Variants in KCNAB1 observed in about 807,000 individuals in gnomAD.
The protein encoded by KCNAB1 is potassium voltage-gated channel subfamily A regulatory beta subunit 1, also known as voltage-gated potassium channel subunit beta-1.
KCNAB1 carries 35 observed loss-of-function variants against 64.6 expected under a neutral mutation model. The ratio of observed to expected loss-of-function variants is 0.54; its 90% CI spans 0.41 to 0.72. The LOEUF is 0.72. Ranked by LOEUF, KCNAB1 falls within the 30% of genes least tolerant of loss-of-function variation. The pLI is 0.00. For synonymous variants in KCNAB1, 177 were observed against 183.8 expected, an observed-to-expected ratio of 0.96 and a Z score of 0.30; for missense variants, 401 against 512.9, an observed-to-expected ratio of 0.78 and a Z score of 2.11.
intron 1 of KCNAB1, among the ~76,000 whole-genome samples, chr3:156,336,381 A>G (rs2108055579): frequency 6.7e-6 from 1 of 149,838 alleles, no homozygotes; most frequent in South Asian, 2.2e-4. Flanking sequence ...CAAACAAACA[A>G]AAAAAGAGTA....
At chr3:156,284,805 A>G (rs1014577539) in intron 1 of KCNAB1, among the ~76,000 whole-genome samples, 1 of 152,194 alleles carries the variant, frequency 6.6e-6, no homozygotes, top group East Asian at 1.9e-4. Context: ...AAGTGAGGCA[A>G]TGCCTCACCC....
chr3:156,390,631 G>A (rs902131995), intron 1 of KCNAB1, among the ~76,000 whole-genome samples: 3 of 151,850 alleles, frequency 2.0e-5, no homozygotes, highest in Non-Finnish European at 2.9e-5. Context: ...TGCCCAGGCT[G>A]GAGTGCAGTG....
Position 156,537,645 on chromosome 3 carries a change from C to G in KCNAB1, c.*898C>G, listed in dbSNP as rs1719148420. The G allele has an allele frequency of 1.3e-5, 2 of 152,722 alleles. No homozygotes were observed. Among genetic ancestry groups the G allele is most frequent in the South Asian group, 2.1e-4 (1 of 4,830 alleles). The allele number at this position is 152,722 out of a possible 1,614,324, so 9.5% of individuals were successfully genotyped here. A position where few individuals can be genotyped will look rare whatever the true frequency, so the allele number is the denominator to read the frequency against. ...ATTTTTTACTACATTTTATTAAAAC[C>G]TGCTTTATACTTTCAACTGCTTGTA... On this transcript the variant is annotated 3_prime_UTR_variant, in exon 14 of 14. Transcript: ENST00000490337.
chr3:156,507,043 T>C (rs1716876275), intron 8 of KCNAB1, among the ~76,000 whole-genome samples: 1 of 152,186 alleles, frequency 6.6e-6, no homozygotes, highest in African/African-American at 2.4e-5. Flanking sequence ...AATGCTCTGT[T>C]AGTTTTCTCT....
At chr3:156,377,230 C>G (rs1346677651) in intron 1 of KCNAB1, among the ~76,000 whole-genome samples, 1 of 152,138 alleles carries the variant, frequency 6.6e-6, no homozygotes, top group Admixed American at 6.5e-5. Context: ...TCAAAACTAA[C>G]TCTTATTGGC....
intron 1 of KCNAB1, among the ~76,000 whole-genome samples, chr3:156,300,459 C>T (rs1721079385): frequency 6.6e-6 from 1 of 152,118 alleles, no homozygotes; most frequent in Non-Finnish European, 1.5e-5. Flanking sequence ...TCATTCAAAC[C>T]CTCTATACAA....
intron 8 of KCNAB1, among the ~76,000 whole-genome samples, chr3:156,488,377 G>C (rs934643289): frequency 6.6e-6 from 1 of 151,910 alleles, no homozygotes; most frequent in Non-Finnish European, 1.5e-5. Flanking sequence ...TGAGAAGGTA[G>C]GGTTTGAGCA....
intron 1 of KCNAB1, among the ~76,000 whole-genome samples, chr3:156,298,258 T>C (rs1483977170): frequency 6.6e-6 from 1 of 152,042 alleles, no homozygotes; most frequent in African/African-American, 2.4e-5. Flanking sequence ...GAAGTGTGTG[T>C]GGGGGCTGTG....
rs148821942 is a variant in KCNAB1 at position 156,133,757 on chromosome 3, G to A, written c.275+12871G>A. On this transcript the variant is annotated intron_variant, in intron 1 of 13. Coordinates refer to ENST00000490337, the MANE Select transcript of KCNAB1 (RefSeq NM_172160.3). ...GGGAGACAGGGAAGAGAAGCATCAG[G>A]AAAAAATACACTTAAGATGCACCAT... Among the ~76,000 whole-genome samples the A allele has an allele frequency of 9.2e-3, 1,401 of 152,278 alleles. 28 individuals are homozygous for A. The highest frequency in any genetic ancestry group is 0.031 in the African/African-American group (1,296 of 41,554).
chr3:156,143,232 G>A (rs761626276), intron 1 of KCNAB1: 1 of 1,613,698 alleles, frequency 6.2e-7, no homozygotes, highest in Admixed American at 1.7e-5. Context: ...AGCTGGGTCT[G>A]CCAAAATCCA....
chr3:156,443,151 G>A (rs1717128843), intron 2 of KCNAB1, among the ~76,000 whole-genome samples: 3 of 152,108 alleles, frequency 2.0e-5, no homozygotes. Context: ...CATCACTTAG[G>A]TATTAAGCAC....
intron 1 of KCNAB1, among the ~76,000 whole-genome samples, chr3:156,352,451 T>G (rs1330861061): frequency 6.6e-6 from 1 of 152,228 alleles, no homozygotes; most frequent in Non-Finnish European, 1.5e-5. Flanking sequence ...GGACAGAGCC[T>G]CAGTGAATAT....
intron 1 of KCNAB1, among the ~76,000 whole-genome samples, chr3:156,299,160 G>A (rs182228680): frequency 2.6e-5 from 4 of 152,312 alleles, no homozygotes; most frequent in Admixed American, 6.5e-5. Flanking sequence ...TGCTCCTTTC[G>A]CTTCCACATT....
intron 1 of KCNAB1, among the ~76,000 whole-genome samples, chr3:156,279,644 C>T (rs375785289): frequency 1.1e-4 from 17 of 151,530 alleles, no homozygotes; most frequent in African/African-American, 4.1e-4. Flanking sequence ...TCCTGACTTT[C>T]TAATGATTGC....
At chr3:156,275,662 G>T (rs193100876) in intron 1 of KCNAB1, among the ~76,000 whole-genome samples, 1 of 152,236 alleles carries the variant, frequency 6.6e-6, no homozygotes, top group African/African-American at 2.4e-5. Context: ...ATCTTTACCA[G>T]GAGTAGATTC....
At chr3:156,350,618 AAG>A (rs1236550540) in intron 1 of KCNAB1, among the ~76,000 whole-genome samples, 2 of 152,210 alleles carry the variant, frequency 1.3e-5, no homozygotes, top group African/African-American at 4.8e-5. Flanking sequence ...TTTACTTGAC[AAG>A]AGAGGTCAAG....
intron 2 of KCNAB1, among the ~76,000 whole-genome samples, chr3:156,440,781 G>A (rs908119297): frequency 1.3e-5 from 2 of 152,148 alleles, no homozygotes; most frequent in East Asian, 1.9e-4. Context: ...ATCATTAACA[G>A]TTGGTATCTA....
At chr3:156,517,637 T>C (rs1424812169) in intron 11 of KCNAB1, among the ~76,000 whole-genome samples, 1 of 150,596 alleles carries the variant, frequency 6.6e-6, no homozygotes, top group African/African-American at 2.5e-5. Context: ...GTACCTACTA[T>C]GTGCCAAGCA....
chr3:156,185,011 A>G (rs1713098032), intron 1 of KCNAB1, among the ~76,000 whole-genome samples: 1 of 152,212 alleles, frequency 6.6e-6, no homozygotes, highest in Non-Finnish European at 1.5e-5. Context: ...TCATAGAGGA[A>G]ACAAAAACTC....
Sources: allele counts gnomAD v4.1 joint callset (sites outside exome capture counted in the v4.1 genomes callset), GRCh38; gene constraint gnomAD v4.1.1; transcripts MANE v1.5; gene names NCBI Gene and HGNC (gene_info 2026-07-23, HGNC 2026-07-21).